The following AKR1B15 variants were observed in gnomAD, a reference collection of about 807,000 sequenced individuals.
AKR1B15 encodes aldo-keto reductase family 1 member B15, also known as estradiol 17-beta-dehydrogenase AKR1B15.
AKR1B15 carries 49 observed loss-of-function variants against 38.5 expected under a neutral mutation model. The observed-to-expected ratio is 1.27, with a 90% confidence interval of 1.01 to 1.62. The LOEUF is 1.62. Ranked by LOEUF, AKR1B15 falls within the 40% of genes most tolerant of loss-of-function variation. AKR1B15 has a pLI of 0.00. For missense variants in AKR1B15, 411 were observed against 381.6 expected, an observed-to-expected ratio of 1.08 and a Z score of -0.64; for synonymous variants, 137 against 135.5, an observed-to-expected ratio of 1.01 and a Z score of -0.08.
In AKR1B15 at chr7:134,569,840, C is replaced by T. The variant is rs148298396; in HGVS notation, c.435+311C>T. ...ATCTTCGTAAGCTGAGGATGAATGT[C>T]GCCTCAGGACCCTGTGATGATTGCA... On this transcript the variant is annotated intron_variant, in intron 5 of 11. Transcript: ENST00000457545. 1,330 of 291,230 alleles carry T rather than the reference C, an allele frequency of 4.6e-3. 21 individuals are homozygous for T. The highest frequency in any genetic ancestry group is 0.027 in the African/African-American group (1,240 of 46,174). 18.0% of individuals were successfully genotyped at this position (291,230 alleles called of 1,614,324 possible).
intron 1 of AKR1B15, among the ~76,000 whole-genome samples, chr7:134,552,453 C>A (rs1794019968): frequency 6.6e-6 from 1 of 152,176 alleles, no homozygotes; most frequent in South Asian, 2.1e-4. Context: ...CCTGCCGGTC[C>A]AGGTCAAACA....
intron 9 of AKR1B15, 52 bp downstream of exon 9, chr7:134,576,482 A>T: frequency 6.3e-7 from 1 of 1,594,158 alleles, no homozygotes; most frequent in Non-Finnish European, 8.6e-7. Flanking sequence ...TTCCAGTCTC[A>T]TGTTTCATTT....
At chr7:134,567,581 G>C (rs1406218362) in intron 3 of AKR1B15, among the ~76,000 whole-genome samples, 2 of 152,112 alleles carry the variant, frequency 1.3e-5, no homozygotes, top group African/African-American at 2.4e-5. Flanking sequence ...ACAAGGTTTA[G>C]AGAGATTGAA....
intron 5 of AKR1B15, 23 bp downstream of exon 5, chr7:134,569,552 G>T: frequency 6.2e-7 from 1 of 1,612,996 alleles, no homozygotes; most frequent in Non-Finnish European, 8.5e-7. Flanking sequence ...CCCTTTCTCA[G>T]CCTCTAGTTT....
At chr7:134,550,878 C>A (rs113966893) in intron 1 of AKR1B15, among the ~76,000 whole-genome samples, 16 of 152,262 alleles carry the variant, frequency 1.1e-4, no homozygotes, top group South Asian at 1.0e-3. Flanking sequence ...GGCCCCCAGA[C>A]GGGTCACTAC....
chr7:134,569,720 T>C (rs1406019568), intron 5 of AKR1B15, 191 bp downstream of exon 5: 7 of 565,536 alleles, frequency 1.2e-5, no homozygotes, highest in African/African-American at 1.9e-5. Flanking sequence ...TCTCTGAACA[T>C]AAATTGTGAA....
At chr7:134,572,095 G>C (rs369065286) in intron 6 of AKR1B15, among the ~76,000 whole-genome samples, 5 of 152,214 alleles carry the variant, frequency 3.3e-5, no homozygotes, top group African/African-American at 1.2e-4. Context: ...TATATCTTTC[G>C]GGGTGTGATA....
At chr7:134,572,254 G>A (rs1193655042) in intron 6 of AKR1B15, among the ~76,000 whole-genome samples, 1 of 152,178 alleles carries the variant, frequency 6.6e-6, no homozygotes, top group Non-Finnish European at 1.5e-5. Flanking sequence ...ATGTCACAAT[G>A]TGTGTGGCAG....
chr7:134,552,380 C>T (rs75984863), intron 1 of AKR1B15, among the ~76,000 whole-genome samples: 153 of 152,242 alleles, frequency 1.0e-3, no homozygotes, highest in African/African-American at 3.6e-3. Flanking sequence ...ACTCTGTTTC[C>T]TCATACCTCC....
chr7:134,553,237 C>T (rs2117600390), intron 1 of AKR1B15, among the ~76,000 whole-genome samples: 2 of 152,276 alleles, frequency 1.3e-5, no homozygotes, highest in African/African-American at 2.4e-5. Flanking sequence ...ATGGAAATTG[C>T]CAAACCCCTG....
At chr7:134,561,528 G>A (rs1585796388) in intron 2 of AKR1B15, among the ~76,000 whole-genome samples, 1 of 152,202 alleles carries the variant, frequency 6.6e-6, no homozygotes, top group East Asian at 1.9e-4. Flanking sequence ...TATTAATGTT[G>A]AAGTAGATAA....
At chr7:134,577,557 T>A in intron 10 of AKR1B15, 147 bp from the exon 11 acceptor site, 1 of 871,192 alleles carries the variant, frequency 1.1e-6, no homozygotes, top group Admixed American at 2.6e-5. Context: ...TAGAGAAAAA[T>A]TTGTATCCCT....
intron 1 of AKR1B15, among the ~76,000 whole-genome samples, chr7:134,552,564 C>T (rs1794024218): frequency 6.6e-6 from 1 of 152,114 alleles, no homozygotes; most frequent in Non-Finnish European, 1.5e-5. Context: ...CTGGAATATT[C>T]CATTTTTGCC....
chr7:134,566,471 G>T (rs1794537887), intron 3 of AKR1B15, among the ~76,000 whole-genome samples: 1 of 152,172 alleles, frequency 6.6e-6, no homozygotes, highest in South Asian at 2.1e-4. Flanking sequence ...CTGTTTTTAT[G>T]ACAGCTGGCA....
In AKR1B15 at chr7:134,579,828, A is replaced by C; in HGVS notation, c.*279A>C. 1 of 355,248 alleles carries C rather than the reference A, an allele frequency of 2.8e-6. No individual in the cohort carries two copies. Among genetic ancestry groups the C allele is most frequent in the Non-Finnish European group, 5.0e-6 (1 of 199,488 alleles). 22.0% of individuals were successfully genotyped at this position (355,248 alleles called of 1,614,324 possible). Reference sequence around the variant, plus strand: ...GTTAAGCACCAGAAACTCTGCCAACACTGAGGATGTAAAGATAAATAATAA... The same window carrying C: ...GTTAAGCACCAGAAACTCTGCCAACCCTGAGGATGTAAAGATAAATAATAA... On this transcript the variant is annotated 3_prime_UTR_variant, in exon 12 of 12. Transcript: ENST00000457545.
chr7:134,558,298 T>C (rs1391873740), intron 2 of AKR1B15, among the ~76,000 whole-genome samples: 1 of 152,258 alleles, frequency 6.6e-6, no homozygotes, highest in East Asian at 1.9e-4. Context: ...TCAATTACAC[T>C]GAAATGCCTC....
intron 2 of AKR1B15, among the ~76,000 whole-genome samples, chr7:134,560,194 CTGGCCT>C (rs1251270349): frequency 6.6e-6 from 1 of 152,174 alleles, no homozygotes; most frequent in African/African-American, 2.4e-5. Flanking sequence ...TGGCCCCGTC[CTGGCCT>C]TGAGACTTGC....
intron 1 of AKR1B15, among the ~76,000 whole-genome samples, chr7:134,555,950 T>C (rs1292423625): frequency 6.6e-6 from 1 of 152,220 alleles, no homozygotes; most frequent in African/African-American, 2.4e-5. Flanking sequence ...TCCTCAACCC[T>C]TTCCATAGCT....
intron 11 of AKR1B15, 68 bp from the exon 12 acceptor site, chr7:134,579,439 T>A: frequency 7.4e-7 from 1 of 1,350,910 alleles, no homozygotes; most frequent in Non-Finnish European, 1.0e-6. Flanking sequence ...CAGAGAAGAA[T>A]ACCTTCTCAG....
Sources: allele counts gnomAD v4.1 joint callset (sites outside exome capture counted in the v4.1 genomes callset), GRCh38; gene constraint gnomAD v4.1.1; transcripts MANE v1.5; gene names NCBI Gene and HGNC (gene_info 2026-07-23, HGNC 2026-07-21).